Variants in HS2ST1 observed in about 807,000 individuals in gnomAD.
HS2ST1 encodes heparan sulfate 2-O-sulfotransferase 1.
HS2ST1 carries 18 observed loss-of-function variants against 42.9 expected under a neutral mutation model. The observed-to-expected ratio is 0.42, with a 90% CI of 0.29 to 0.62. HS2ST1 has a LOEUF of 0.62. Among genes scored for constraint, HS2ST1 ranks in the 20% least tolerant of loss-of-function variants. HS2ST1 has a pLI of 0.21. For synonymous variants in HS2ST1, 146 were observed against 152.9 expected, an observed-to-expected ratio of 0.95 and a Z score of 0.33; for missense variants, 334 against 433.8, an observed-to-expected ratio of 0.77 and a Z score of 2.04.
chr1:86,933,490 C>G (rs186355680), intron 1 of HS2ST1, among the ~76,000 whole-genome samples: 122 of 152,252 alleles, frequency 8.0e-4, no homozygotes, highest in African/African-American at 2.4e-3. Flanking sequence ...TTTGTTATTT[C>G]CATTTCAGTT....
At chr1:87,037,597 ATT>A (rs369863881) in intron 1 of HS2ST1, among the ~76,000 whole-genome samples, 3 of 145,842 alleles carry the variant, frequency 2.1e-5, no homozygotes. Flanking sequence ...ATAAAGTTGA[ATT>A]TTTTTTTTTT....
chr1:87,076,655 A>G (rs1222791891), intron 2 of HS2ST1, among the ~76,000 whole-genome samples: 1 of 151,912 alleles, frequency 6.6e-6, no homozygotes, highest in Admixed American at 6.5e-5. Flanking sequence ...TACTTAGTTA[A>G]TAGAGAGGAA....
intron 1 of HS2ST1, among the ~76,000 whole-genome samples, chr1:86,929,179 A>G (rs2102162403): frequency 6.6e-6 from 1 of 152,038 alleles, no homozygotes; most frequent in South Asian, 2.1e-4. Flanking sequence ...TTGTACAAAC[A>G]CTGTAGTTAT....
At chr1:87,013,995 T>C (rs1013838177) in intron 1 of HS2ST1, among the ~76,000 whole-genome samples, 7 of 152,194 alleles carry the variant, frequency 4.6e-5, no homozygotes, top group Admixed American at 3.9e-4. Flanking sequence ...ACAAAGCCAT[T>C]CAACAAGTCT....
In HS2ST1 at chr1:87,010,324, C is replaced by A. The variant is rs150740097; in HGVS notation, c.125-62610C>A. 4.6e-3 allele frequency among the ~76,000 whole-genome samples: 702 copies of A among 151,162 alleles called. 4 individuals are homozygous for A. Among genetic ancestry groups the A allele is most frequent in the Middle Eastern group, 0.02 (6 of 294 alleles). ...TTTTTTTTTTAGCTTTTACATGATT[C>A]TTGATTTTCTTCTTAATTACTATTT... On this transcript the variant is annotated intron_variant, in intron 1 of 6. Transcript: ENST00000370550.
chr1:86,961,664 G>T (rs1364057332), intron 1 of HS2ST1, among the ~76,000 whole-genome samples: 1 of 152,014 alleles, frequency 6.6e-6, no homozygotes, highest in African/African-American at 2.4e-5. Context: ...GTGTTATTTA[G>T]TGTATTCATA....
chr1:86,954,002 A>G (rs2102189469), intron 1 of HS2ST1, among the ~76,000 whole-genome samples: 1 of 149,942 alleles, frequency 6.7e-6, no homozygotes, highest in East Asian at 2.0e-4. Context: ...ACGCCCCAAA[A>G]CAATTGCAAT....
intron 1 of HS2ST1, among the ~76,000 whole-genome samples, chr1:86,971,306 A>G (rs546868894): frequency 8.5e-5 from 13 of 152,222 alleles, no homozygotes; most frequent in African/African-American, 2.6e-4. Flanking sequence ...AACAAAACAA[A>G]ACAAAACAAA....
chr1:86,948,465 A>G (rs1199116282), intron 1 of HS2ST1, among the ~76,000 whole-genome samples: 1 of 152,212 alleles, frequency 6.6e-6, no homozygotes, highest in Non-Finnish European at 1.5e-5. Context: ...TTTGCTGTTT[A>G]AAGCATAGCG....
chr1:87,091,665 C>T (rs1342410752), intron 3 of HS2ST1, among the ~76,000 whole-genome samples: 3 of 108,342 alleles, frequency 2.8e-5, no homozygotes, highest in South Asian at 3.9e-4. Context: ...GTCACATCTG[C>T]GAGAAAGCTT....
At chr1:86,920,052 C>T (rs1208880106) in intron 1 of HS2ST1, among the ~76,000 whole-genome samples, 1 of 152,160 alleles carries the variant, frequency 6.6e-6, no homozygotes, top group Non-Finnish European at 1.5e-5. Context: ...TCGAACAGTG[C>T]AGTGAAATAT....
chr1:87,038,520 G>T lies in HS2ST1; in HGVS notation c.125-34414G>T, dbSNP rs944228728. Among the ~76,000 whole-genome samples, 5 of 152,092 alleles carry T rather than the reference G, an allele frequency of 3.3e-5. No homozygotes were observed. In the South Asian group the frequency reaches 1.0e-3, roughly 32 times the overall value. Reference sequence around the variant, plus strand: ...TTATAAAACTAAAGCTAAGCATGTTGTATGTAACAGAAGTTATTCTGGAAA... The same window carrying T: ...TTATAAAACTAAAGCTAAGCATGTTTTATGTAACAGAAGTTATTCTGGAAA... On this transcript the variant is annotated intron_variant, in intron 1 of 6. Coordinates refer to ENST00000370550, the MANE Select transcript of HS2ST1 (RefSeq NM_012262.4).
chr1:87,007,303 G>A (rs184062347), intron 1 of HS2ST1, among the ~76,000 whole-genome samples: 127 of 152,048 alleles, frequency 8.4e-4, no homozygotes, highest in Non-Finnish European at 1.5e-3. Flanking sequence ...ATGTATATGT[G>A]TACATGCATT....
chr1:87,072,819 C>CTTTTGTT, intron 1 of HS2ST1, 115 bp from the exon 2 acceptor site: 1 of 742,630 alleles, frequency 1.3e-6, no homozygotes, highest in African/African-American at 1.8e-5. Flanking sequence ...TGGTTCTTTG[C>CTTTTGTT]TTTTGTTTTT....
At chr1:86,927,447 G>A (rs1003236437) in intron 1 of HS2ST1, among the ~76,000 whole-genome samples, 5 of 152,220 alleles carry the variant, frequency 3.3e-5, no homozygotes, top group African/African-American at 1.2e-4. Context: ...GAATTGATTT[G>A]CTGCTTATAT....
At chr1:86,953,605 C>T (rs1383431090) in intron 1 of HS2ST1, among the ~76,000 whole-genome samples, 5 of 151,852 alleles carry the variant, frequency 3.3e-5, no homozygotes, top group Admixed American at 3.3e-4. Flanking sequence ...ACTAAAAATA[C>T]AAAAATTAGC....
chr1:87,030,390 TG>T (rs913485856), intron 1 of HS2ST1, among the ~76,000 whole-genome samples: 3 of 151,948 alleles, frequency 2.0e-5, no homozygotes, highest in Non-Finnish European at 4.4e-5. Context: ...CCTAGATACT[TG>T]GGAGGCTGAA....
intron 1 of HS2ST1, among the ~76,000 whole-genome samples, chr1:86,972,275 G>A (rs568920672): frequency 1.3e-5 from 2 of 152,274 alleles, no homozygotes; most frequent in African/African-American, 2.4e-5. Flanking sequence ...GATGAGTACA[G>A]TATAATAAAA....
At chr1:87,050,902 A>G (rs958945329) in intron 1 of HS2ST1, among the ~76,000 whole-genome samples, 7 of 152,126 alleles carry the variant, frequency 4.6e-5, no homozygotes, top group African/African-American at 1.4e-4. Flanking sequence ...AGAATATTAT[A>G]CTAAACAGTC....
Sources: gnomAD v4.1 joint callset for allele counts (sites outside exome capture counted in the v4.1 genomes callset) on GRCh38, gnomAD v4.1.1 for gene constraint, MANE v1.5 for transcripts, NCBI Gene and HGNC (gene_info 2026-07-23, HGNC 2026-07-21) for gene names.